CNGB3: variants seen among roughly 807,000 people sequenced by gnomAD.
CNGB3 encodes cyclic nucleotide-gated channel beta-3.
In CNGB3, 86 loss-of-function variants were observed where a neutral mutation model predicts 92.8. That is an observed-to-expected ratio of 0.93 (90% confidence interval 0.78 to 1.11). The LOEUF (loss-of-function observed/expected upper bound fraction) is 1.11. Among genes scored for constraint, CNGB3 ranks in the 50% least tolerant of loss-of-function variants. The probability of loss-of-function intolerance (pLI) is 0.00; values close to 1 mark genes in which losing one functional copy is unlikely to be tolerated. For missense variants in CNGB3, 1,026 were observed against 956.8 expected (o/e 1.07, Z -0.95); for synonymous variants, 333 against 332.7 (o/e 1.00, Z -0.01).
At chr8:86,620,418 T>C (rs763090355) in intron 13 of CNGB3, among the ~76,000 whole-genome samples, 3 of 152,154 alleles carry the variant, frequency 2.0e-5, no homozygotes, top group Non-Finnish European at 2.9e-5. Flanking sequence ...TGTCGTTACA[T>C]GGCTTTTCCT....
At chr8:86,609,996 C>G (rs1822487492) in intron 14 of CNGB3, among the ~76,000 whole-genome samples, 2 of 152,302 alleles carry the variant, frequency 1.3e-5, no homozygotes, top group South Asian at 4.1e-4. Context: ...CTTTATACAA[C>G]TTAGCACATT....
At chr8:86,679,034 G>A (rs371687024) in intron 3 of CNGB3, among the ~76,000 whole-genome samples, 5 of 152,028 alleles carry the variant, frequency 3.3e-5, no homozygotes, top group African/African-American at 1.2e-4. Context: ...TTTTTTCTCT[G>A]TGGAGTAGCA....
intron 3 of CNGB3, among the ~76,000 whole-genome samples, chr8:86,701,158 A>G (rs184443733): frequency 1.8e-4 from 27 of 152,276 alleles, no homozygotes; most frequent in Admixed American, 2.0e-4. Context: ...TGAGCTCATA[A>G]TTCTTTCAAT....
At chr8:86,580,202 C>T (rs1405789224) in intron 15 of CNGB3, among the ~76,000 whole-genome samples, 9 of 95,094 alleles carry the variant, frequency 9.5e-5, no homozygotes, top group African/African-American at 3.4e-4. Flanking sequence ...GGGGGGGTGG[C>T]GGGGGGAACT....
intron 13 of CNGB3, among the ~76,000 whole-genome samples, chr8:86,623,851 G>A (rs1453407186): frequency 6.6e-6 from 1 of 152,098 alleles, no homozygotes; most frequent in East Asian, 1.9e-4. Context: ...CCCTCTTCAT[G>A]TAATCAAACA....
At chr8:86,698,460 A>G (rs556638755) in intron 3 of CNGB3, among the ~76,000 whole-genome samples, 1 of 152,314 alleles carries the variant, frequency 6.6e-6, no homozygotes, top group African/African-American at 2.4e-5. Context: ...ATACAAAGAT[A>G]GAGAAAACAA....
chr8:86,591,465 G>T (rs1822034346), intron 15 of CNGB3, among the ~76,000 whole-genome samples: 1 of 150,398 alleles, frequency 6.6e-6, no homozygotes. Context: ...CCCCATCTTT[G>T]TGGTTTTATC....
intron 3 of CNGB3, among the ~76,000 whole-genome samples, chr8:86,683,628 T>A (rs1824125338): frequency 6.6e-6 from 1 of 152,162 alleles, no homozygotes; most frequent in Admixed American, 6.6e-5. Context: ...GTCACTGCCC[T>A]AAGTCTTGAT....
chr8:86,601,194 G>C (rs1455804648), intron 15 of CNGB3, among the ~76,000 whole-genome samples: 2 of 152,104 alleles, frequency 1.3e-5, no homozygotes, highest in Admixed American at 6.5e-5. Context: ...GGCAACACAA[G>C]AATAAAAACT....
At chr8:86,625,211 C>T (rs748702592) in intron 13 of CNGB3, among the ~76,000 whole-genome samples, 2 of 152,154 alleles carry the variant, frequency 1.3e-5, no homozygotes, top group African/African-American at 2.4e-5. Flanking sequence ...GGCGTTATCA[C>T]CTCCACACAT....
At chr8:86,668,254 C>T (rs942604745) in intron 4 of CNGB3, 86 bp from the exon 5 acceptor site, 19 of 1,278,640 alleles carry the variant, frequency 1.5e-5, no homozygotes, top group East Asian at 5.5e-5. Context: ...CCAAACACCG[C>T]ATGTTCTCAC....
In CNGB3 at chr8:86,574,534, T is replaced by C. The variant is rs558708727; in HGVS notation, c.*1270A>G. 1 of 152,322 alleles carries C rather than the reference T, an allele frequency of 6.6e-6. No homozygotes were observed. Among genetic ancestry groups the C allele is most frequent in the Admixed American group, 6.5e-5 (1 of 15,302 alleles). The allele number at this position is 152,322 out of a possible 1,614,324, so 9.4% of individuals were successfully genotyped here. A position where few individuals can be genotyped will look rare whatever the true frequency, so the allele number is the denominator to read the frequency against. ...TGATGCAGTTTATTATAGTGATTGA[T>C]TTGTACATGGTTTGCTAAATGCATC... On this transcript the variant is annotated 3_prime_UTR_variant, in exon 18 of 18. Coordinates refer to ENST00000320005, the MANE Select transcript of CNGB3 (RefSeq NM_019098.5).
intron 15 of CNGB3, among the ~76,000 whole-genome samples, chr8:86,592,822 C>T (rs1010899260): frequency 8.5e-5 from 13 of 152,112 alleles, no homozygotes; most frequent in Non-Finnish European, 1.5e-4. Flanking sequence ...GGTTTTATTT[C>T]GGAAACATGA....
At chr8:86,650,071 T>A (rs1823370816) in intron 7 of CNGB3, among the ~76,000 whole-genome samples, 2 of 151,366 alleles carry the variant, frequency 1.3e-5, no homozygotes, top group African/African-American at 4.8e-5. Flanking sequence ...TTGCATCATA[T>A]CATCAAACCT....
At chr8:86,724,369 G>A (rs898662645) in intron 3 of CNGB3, among the ~76,000 whole-genome samples, 1 of 152,138 alleles carries the variant, frequency 6.6e-6, no homozygotes, top group Non-Finnish European at 1.5e-5. Flanking sequence ...AGGAAGGAAT[G>A]GGAAGACTTG....
chr8:86,657,226 C>T (rs969211697), intron 6 of CNGB3, among the ~76,000 whole-genome samples: 15 of 152,166 alleles, frequency 9.9e-5, no homozygotes, highest in Non-Finnish European at 1.5e-5. Flanking sequence ...GCCAAGGTGG[C>T]AAAGGGTCTG....
chr8:86,731,434 C>T (rs985264626), intron 2 of CNGB3, among the ~76,000 whole-genome samples: 2 of 152,128 alleles, frequency 1.3e-5, no homozygotes, highest in African/African-American at 4.8e-5. Context: ...GATACATCAT[C>T]ACAAGTAAAG....
chr8:86,665,300 C>A (rs1023824687), intron 6 of CNGB3, among the ~76,000 whole-genome samples: 6 of 152,246 alleles, frequency 3.9e-5, no homozygotes, highest in Middle Eastern at 3.4e-3. Context: ...GAAAAGGGAG[C>A]ACTTATAAAC....
chr8:86,615,943 G>A (rs1483370482), intron 13 of CNGB3, among the ~76,000 whole-genome samples: 1 of 152,160 alleles, frequency 6.6e-6, no homozygotes, highest in Non-Finnish European at 1.5e-5. Context: ...GTCTCCCTTT[G>A]TGGAGAAATG....
Sources: gnomAD v4.1 joint callset for allele counts (sites outside exome capture counted in the v4.1 genomes callset) on GRCh38, gnomAD v4.1.1 for gene constraint, MANE v1.5 for transcripts, NCBI Gene and HGNC (gene_info 2026-07-23, HGNC 2026-07-21) for gene names.